CTNND2: variants seen among roughly 807,000 people sequenced by gnomAD.
CTNND2 encodes catenin delta-2.
Under a neutral mutation model 144.4 loss-of-function variants are expected in CTNND2, and 22 were observed. That is an observed-to-expected ratio of 0.15 (90% CI 0.11 to 0.22). The LOEUF is 0.22. Ranked by LOEUF, CTNND2 falls within the 10% of genes least tolerant of loss-of-function variation. The probability of loss-of-function intolerance (pLI) is 1.00; values close to 1 mark genes in which losing one functional copy is unlikely to be tolerated. For synonymous variants in CTNND2, 751 were observed against 695.6 expected (o/e 1.08, Z -1.25); for missense variants, 1,353 against 1,618.8 (o/e 0.84, Z 2.82).
At chr5:11,382,147 A>G (rs1758552096) in intron 7 of CTNND2, among the ~76,000 whole-genome samples, 1 of 152,202 alleles carries the variant, frequency 6.6e-6, no homozygotes. Flanking sequence ...ATTATATATT[A>G]AAAAGTCTCT....
intron 3 of CTNND2, among the ~76,000 whole-genome samples, chr5:11,434,597 C>A (rs1423978837): frequency 6.6e-6 from 1 of 152,024 alleles, no homozygotes; most frequent in Non-Finnish European, 1.5e-5. Flanking sequence ...CTGTGACTTT[C>A]CACGAAATGC....
chr5:11,304,260 C>T (rs1279808824), intron 9 of CTNND2, among the ~76,000 whole-genome samples: 3 of 151,730 alleles, frequency 2.0e-5, no homozygotes, highest in Non-Finnish European at 2.9e-5. Flanking sequence ...TTGCACAAAC[C>T]GTTTCATTAT....
rs575537957 is a variant in CTNND2, at chr5:11,264,295, G to A, written c.1629-27472C>T. 3.3e-5 allele frequency among the ~76,000 whole-genome samples: 5 copies of A among 152,312 alleles called. No individual in the cohort carries two copies. The East Asian group carries it at 5.8e-4, about 18-fold the overall frequency. On this transcript the variant is annotated intron_variant, in intron 9 of 21. Transcript: ENST00000304623. ...ATTTGGAAACAGGGTCTTTGCAGAT[G>A]TAAGTAAGTTATGAGGTCATATTGG...
intron 1 of CTNND2, among the ~76,000 whole-genome samples, chr5:11,870,253 G>GGGT (rs1309482311): frequency 6.6e-6 from 1 of 152,202 alleles, no homozygotes; most frequent in Non-Finnish European, 1.5e-5. Context: ...TGTTACAGCT[G>GGGT]GGTGGTGGAG....
chr5:11,175,599 T>C (rs1214651411), intron 11 of CTNND2, among the ~76,000 whole-genome samples: 2 of 151,228 alleles, frequency 1.3e-5, no homozygotes, highest in African/African-American at 4.9e-5. Flanking sequence ...TGATTGTGTA[T>C]TGATGGACAT....
Position 11,689,727 on chromosome 5 carries a change from G to C in CTNND2, c.174+42409C>G, listed in dbSNP as rs112209449. Among the ~76,000 whole-genome samples the C allele has an allele frequency of 2.7e-3, 409 of 150,762 alleles. 3 individuals carry two copies. Among genetic ancestry groups the C allele is most frequent in the African/African-American group, 9.8e-3 (393 of 40,182 alleles). The stretch of plus-strand genomic sequence containing the variant: ...ATTTTGACACTTGAGAAGCAAAAGT[G>C]GTGAGACAGTATCTTCATAAAAAAA... On this transcript the variant is annotated intron_variant, in intron 2 of 21. Transcript: ENST00000304623.
intron 1 of CTNND2, among the ~76,000 whole-genome samples, chr5:11,867,085 G>A (rs1166478486): frequency 2.0e-5 from 3 of 152,234 alleles, no homozygotes; most frequent in East Asian, 1.9e-4. Flanking sequence ...ACATTTTAAC[G>A]CTTTCTGGAC....
At chr5:11,354,633 G>A (rs1293627544) in intron 8 of CTNND2, among the ~76,000 whole-genome samples, 1 of 152,128 alleles carries the variant, frequency 6.6e-6, no homozygotes, top group Non-Finnish European at 1.5e-5. Flanking sequence ...TAGACCTAAA[G>A]GAAGAGATAG....
At chr5:11,463,416 C>T (rs1344243462) in intron 3 of CTNND2, among the ~76,000 whole-genome samples, 3 of 152,160 alleles carry the variant, frequency 2.0e-5, no homozygotes, top group Non-Finnish European at 2.9e-5. Context: ...AAAATTTACA[C>T]CAAACATCTC....
chr5:11,068,067 T>A (rs1747809728), intron 16 of CTNND2, among the ~76,000 whole-genome samples: 1 of 152,242 alleles, frequency 6.6e-6, no homozygotes, highest in Admixed American at 6.5e-5. Context: ...GGAACAAATT[T>A]TTTTGTCTTT....
At chr5:11,423,887 A>AT (rs560080910) in intron 3 of CTNND2, among the ~76,000 whole-genome samples, 86 of 151,698 alleles carry the variant, frequency 5.7e-4, no homozygotes, top group Non-Finnish European at 9.9e-4. Context: ...TAAAGAAAAA[A>AT]TTTTTTTTTT....
At chr5:11,070,018 C>T (rs1422647564) in intron 16 of CTNND2, among the ~76,000 whole-genome samples, 4 of 152,168 alleles carry the variant, frequency 2.6e-5, no homozygotes, top group Non-Finnish European at 5.9e-5. Context: ...GAATTACCAA[C>T]TTCAGTCTAT....
At chr5:11,220,065 T>G (rs1739630340) in intron 10 of CTNND2, among the ~76,000 whole-genome samples, 1 of 152,190 alleles carries the variant, frequency 6.6e-6, no homozygotes, top group African/African-American at 2.4e-5. Flanking sequence ...TTTTATCATT[T>G]GTAAACGATA....
intron 14 of CTNND2, among the ~76,000 whole-genome samples, chr5:11,100,894 C>T (rs998059880): frequency 6.6e-6 from 1 of 152,170 alleles, no homozygotes; most frequent in African/African-American, 2.4e-5. Flanking sequence ...TCATCTTGTT[C>T]TCCTTTTCTA....
chr5:11,191,937 C>T (rs1736287187), intron 11 of CTNND2, among the ~76,000 whole-genome samples: 1 of 152,174 alleles, frequency 6.6e-6, no homozygotes, highest in South Asian at 2.1e-4. Flanking sequence ...GTGTCAACTG[C>T]AGGCCCATCA....
intron 2 of CTNND2, among the ~76,000 whole-genome samples, chr5:11,590,073 T>C (rs1196485319): frequency 2.1e-5 from 3 of 145,838 alleles, no homozygotes; most frequent in African/African-American, 7.6e-5. Context: ...TGAGATGGAA[T>C]CTTGCTCTGT....
intron 1 of CTNND2, among the ~76,000 whole-genome samples, chr5:11,751,209 G>A (rs1032824798): frequency 9.2e-5 from 14 of 151,812 alleles, no homozygotes; most frequent in African/African-American, 3.4e-4. Context: ...TTTCTCAAGT[G>A]TAAAGCAGAA....
intron 2 of CTNND2, among the ~76,000 whole-genome samples, chr5:11,629,410 C>A (rs1364450713): frequency 6.6e-6 from 1 of 152,028 alleles, no homozygotes; most frequent in Non-Finnish European, 1.5e-5. Flanking sequence ...CATTCCCTAC[C>A]CCTGGCATCT....
chr5:11,145,409 G>A (rs1207612467), intron 12 of CTNND2, among the ~76,000 whole-genome samples: 1 of 152,062 alleles, frequency 6.6e-6, no homozygotes, highest in Non-Finnish European at 1.5e-5. Flanking sequence ...GGCTCAGAGA[G>A]GCTACCTCAG....
Sources: gnomAD v4.1 joint callset for allele counts (sites outside exome capture counted in the v4.1 genomes callset) on GRCh38, gnomAD v4.1.1 for gene constraint, MANE v1.5 for transcripts, NCBI Gene and HGNC (gene_info 2026-07-23, HGNC 2026-07-21) for gene names.